The following DDX10 variants were observed in gnomAD, a reference collection of about 807,000 sequenced individuals.
The protein encoded by DDX10 is probable ATP-dependent RNA helicase DDX10.
Under a neutral mutation model 104.3 loss-of-function variants are expected in DDX10, and 74 were observed. That is an observed-to-expected ratio of 0.71 (90% CI 0.59 to 0.86). DDX10 has a LOEUF of 0.86. DDX10 is among the 40% of genes least tolerant of loss of function. The probability of loss-of-function intolerance (pLI) is 0.00; values close to 1 mark genes in which losing one functional copy is unlikely to be tolerated. For synonymous variants in DDX10, 351 were observed against 353.4 expected (o/e 0.99, Z 0.08); for missense variants, 952 against 1,040.0 (o/e 0.92, Z 1.16).
At chr11:108,795,244 AT>A (rs201256054) in intron 13 of DDX10, among the ~76,000 whole-genome samples, 14 of 124,848 alleles carry the variant, frequency 1.1e-4, no homozygotes, top group Admixed American at 2.4e-4. Context: ...GTGTAGCAGC[AT>A]TTTTTTTTCT....
chr11:108,924,986 T>C (rs1863889146), intron 17 of DDX10, among the ~76,000 whole-genome samples: 2 of 152,230 alleles, frequency 1.3e-5, no homozygotes, highest in Non-Finnish European at 2.9e-5. Context: ...GAATTTATTG[T>C]GTGCCTGCCA....
At chr11:108,744,250 T>C (rs2094328731) in intron 13 of DDX10, among the ~76,000 whole-genome samples, 1 of 152,200 alleles carries the variant, frequency 6.6e-6, no homozygotes, top group African/African-American at 2.4e-5. Context: ...GGTATCCATA[T>C]ATTGAGTTGC....
At chr11:108,770,981 T>A (rs1340242414) in intron 13 of DDX10, among the ~76,000 whole-genome samples, 1 of 152,168 alleles carries the variant, frequency 6.6e-6, no homozygotes, top group African/African-American at 2.4e-5. Context: ...TGTATGAGGG[T>A]TCCCTTTTCT....
rs193062155 is a variant in DDX10 at position 108,680,314 on chromosome 11, A to G, written c.848+754A>G. The stretch of plus-strand genomic sequence containing the variant: ...ACTACAGCCTTCAACTTCTGGGCTC[A>G]AACAATCCTCCTGCTTCAGCTTCCT... On this transcript the variant is annotated intron_variant, in intron 6 of 17. Transcript: ENST00000322536. Among the ~76,000 whole-genome samples, 21 of 152,334 alleles carry G rather than the reference A, an allele frequency of 1.4e-4. No homozygotes were observed. In the East Asian group the frequency reaches 3.7e-3, roughly 27 times the overall value.
At chr11:108,819,314 A>G (rs1345742683) in intron 13 of DDX10, among the ~76,000 whole-genome samples, 1 of 152,134 alleles carries the variant, frequency 6.6e-6, no homozygotes, top group Non-Finnish European at 1.5e-5. Context: ...TCCTAGAGTA[A>G]CAGAAGAAAA....
intron 16 of DDX10, among the ~76,000 whole-genome samples, chr11:108,865,919 A>G (rs1175044973): frequency 1.3e-5 from 2 of 152,208 alleles, no homozygotes; most frequent in African/African-American, 4.8e-5. Flanking sequence ...GTAATGATTG[A>G]ATCCAAAGAA....
At chr11:108,734,530 A>G (rs1028624570) in intron 13 of DDX10, among the ~76,000 whole-genome samples, 7 of 152,052 alleles carry the variant, frequency 4.6e-5, no homozygotes, top group Non-Finnish European at 1.0e-4. Context: ...GTAAATTTTC[A>G]GTGGAAAGCT....
intron 15 of DDX10, among the ~76,000 whole-genome samples, chr11:108,846,820 AACCAGACCAG>A (rs71476032): frequency 5.3e-5 from 8 of 149,970 alleles, no homozygotes; most frequent in South Asian, 4.3e-4. Flanking sequence ...TTAGAGTACA[AACCAGACCAG>A]ACCAGACCAG....
chr11:108,721,679 A>C (rs1234327188), intron 12 of DDX10, among the ~76,000 whole-genome samples: 1 of 152,162 alleles, frequency 6.6e-6, no homozygotes, highest in Non-Finnish European at 1.5e-5. Flanking sequence ...TCCTTGAGGT[A>C]TGTAATTTCC....
At chr11:108,733,668 A>G (rs1292577486) in intron 13 of DDX10, among the ~76,000 whole-genome samples, 1 of 152,012 alleles carries the variant, frequency 6.6e-6, no homozygotes, top group African/African-American at 2.4e-5. Context: ...CGTCATTTCT[A>G]CATTTAGTGG....
chr11:108,812,164 C>T (rs979538174), intron 13 of DDX10, among the ~76,000 whole-genome samples: 1 of 152,108 alleles, frequency 6.6e-6, no homozygotes, highest in Non-Finnish European at 1.5e-5. Flanking sequence ...AGACTTTGCC[C>T]AGCAAACTAA....
intron 17 of DDX10, among the ~76,000 whole-genome samples, chr11:108,928,815 G>A (rs941744506): frequency 3.3e-5 from 5 of 152,202 alleles, no homozygotes; most frequent in African/African-American, 7.2e-5. Context: ...AAACTGGTAG[G>A]AGTTTGTAAA....
chr11:108,787,614 A>G (rs1861813397), intron 13 of DDX10, among the ~76,000 whole-genome samples: 1 of 151,936 alleles, frequency 6.6e-6, no homozygotes, highest in Non-Finnish European at 1.5e-5. Flanking sequence ...TTTCCTCAGC[A>G]TGCTCTATTC....
chr11:108,736,299 GGT>G (rs1329337595), intron 13 of DDX10, among the ~76,000 whole-genome samples: 6 of 151,528 alleles, frequency 4.0e-5, no homozygotes, highest in Admixed American at 2.6e-4. Context: ...ACAGTGTTGT[GGT>G]GTGTTTTTGC....
chr11:108,891,235 A>G (rs1863372040), intron 16 of DDX10, among the ~76,000 whole-genome samples: 3 of 152,168 alleles, frequency 2.0e-5, no homozygotes, highest in East Asian at 1.9e-4. Context: ...ACATTTTTAA[A>G]AAACTAATCT....
chr11:108,688,924 T>C lies in DDX10; in HGVS notation c.849-12T>C, dbSNP rs1225366036. On this transcript the variant is annotated splice_polypyrimidine_tract_variant and intron_variant, in intron 6 of 17. Transcript: ENST00000322536. ...CATATTCTAATGTTTTTCTTTTCCGTAATTCCACAAGCACCCCTGCCACTT... is the reference window on the plus strand; with the variant it reads ...CATATTCTAATGTTTTTCTTTTCCGCAATTCCACAAGCACCCCTGCCACTT... 3.1e-6 allele frequency: 5 copies of C among 1,608,192 alleles called. No individual in the cohort carries two copies. In the Admixed American group the frequency reaches 8.4e-5, roughly 27 times the overall value.
chr11:108,812,244 G>C (rs534182413), intron 13 of DDX10, among the ~76,000 whole-genome samples: 1 of 152,188 alleles, frequency 6.6e-6, no homozygotes, highest in East Asian at 1.9e-4. Flanking sequence ...TAACTTCTTG[G>C]ATTTGTTAAA....
intron 16 of DDX10, among the ~76,000 whole-genome samples, chr11:108,916,388 A>C (rs1332001903): frequency 1.3e-5 from 2 of 150,424 alleles, no homozygotes; most frequent in Non-Finnish European, 3.0e-5. Flanking sequence ...CCCCAACTCA[A>C]TTTCTTTCCA....
At chr11:108,756,189 A>AT (rs1439036403) in intron 13 of DDX10, among the ~76,000 whole-genome samples, 1 of 151,958 alleles carries the variant, frequency 6.6e-6, no homozygotes, top group Non-Finnish European at 1.5e-5. Flanking sequence ...ATCTAATGTG[A>AT]TTTGTGTTGG....
Sources: allele counts gnomAD v4.1 joint callset (sites outside exome capture counted in the v4.1 genomes callset), GRCh38; gene constraint gnomAD v4.1.1; transcripts MANE v1.5; gene names NCBI Gene and HGNC (gene_info 2026-07-23, HGNC 2026-07-21).